Variants in PDPR observed in about 807,000 individuals in gnomAD.
PDPR encodes pyruvate dehydrogenase phosphatase regulatory subunit, mitochondrial.
PDPR carries 50 observed loss-of-function variants against 102.2 expected under a neutral mutation model. The ratio of observed to expected loss-of-function variants is 0.49; its 90% CI spans 0.39 to 0.62. The LOEUF is 0.62. Ranked by LOEUF, PDPR falls within the 20% of genes least tolerant of loss-of-function variation. PDPR has a pLI of 0.00. For missense variants in PDPR, 625 were observed against 1,098.2 expected (o/e 0.57, Z 6.09); for synonymous variants, 259 against 406.0 (o/e 0.64, Z 4.35).
chr16:70,121,889 CA>C (rs1468780253), intron 3 of PDPR, among the ~76,000 whole-genome samples: 1 of 152,208 alleles, frequency 6.6e-6, no homozygotes, highest in Non-Finnish European at 1.5e-5. Flanking sequence ...CATAGCCTTC[CA>C]AGTAGCTGGG....
At chr16:70,120,304 C>T (rs1052158615) in intron 2 of PDPR, 157 bp from the exon 3 acceptor site, 2 of 563,208 alleles carry the variant, frequency 3.6e-6, no homozygotes, top group African/African-American at 3.8e-5. Context: ...CCCGCCTTGG[C>T]CTCCCAGAGT....
chr16:70,150,406 A>G (rs1376467037), intron 17 of PDPR, among the ~76,000 whole-genome samples: 1 of 152,106 alleles, frequency 6.6e-6, no homozygotes, highest in Non-Finnish European at 1.5e-5. Flanking sequence ...ACCCGGGCCC[A>G]TAGTCTTTCT....
intron 3 of PDPR, among the ~76,000 whole-genome samples, chr16:70,121,621 G>A (rs1963282753): frequency 6.6e-6 from 1 of 152,266 alleles, no homozygotes; most frequent in East Asian, 1.9e-4. Flanking sequence ...GAATCCGTGA[G>A]GCGGAGGTGG....
Position 70,142,681 on chromosome 16 carries a change from A to G in PDPR, c.1600A>G (p.Ile534Val), listed in dbSNP as rs1481139338. The G allele has an allele frequency of 7.4e-6, 12 of 1,613,976 alleles. 1 individual carries two copies. The South Asian group carries it at 7.7e-5, about 10-fold the overall frequency. Residue 534 changes from isoleucine (I) to valine (V), a missense_variant, in exon 13 of 19, where the codon ATA becomes GTA. Ile to Val is a conservative substitution (Grantham distance 29). This residue lies in a region of PDPR where 28 missense variants were observed against 141.2 expected (regional missense o/e 0.20). Coordinates refer to ENST00000288050, the MANE Select transcript of PDPR (RefSeq NM_017990.5). ...IDMSSFTKFE[I>V]TSTGDQALEV... ...CATGTCCTCTTTCACAAAGTTTGAG[A>G]TAACAGTAAGTATTTGGGAACCAAA...
intron 4 of PDPR, among the ~76,000 whole-genome samples, chr16:70,128,230 TTTTTTC>T (rs1462872520): frequency 5.2e-4 from 79 of 152,190 alleles, no homozygotes; most frequent in Admixed American, 2.4e-3. Flanking sequence ...TGTCTTTTTT[TTTTTTC>T]TTTTTTTTAA....
chr16:70,161,281 C>CAAAAA lies in PDPR; in HGVS notation c.*4417_*4421dup, dbSNP rs56353884. On this transcript the variant is annotated 3_prime_UTR_variant, in exon 19 of 19. Coordinates refer to ENST00000288050, the MANE Select transcript of PDPR (RefSeq NM_017990.5). ...GGGTAACAGAGTGAGACTCTTGTCT[C>CAAAAA]AAAAAAAAAAAAAAAAAAATCTAAG... 0.045 allele frequency: 5,884 copies of CAAAAA among 129,882 alleles called. 91 individuals are homozygous for CAAAAA. The highest frequency in any genetic ancestry group is 0.15 in the African/African-American group (5,205 of 33,824). The allele number at this position is 129,882 out of a possible 1,614,324, so 8.0% of individuals were successfully genotyped here. A position where few individuals can be genotyped will look rare whatever the true frequency, so the allele number is the denominator to read the frequency against.
intron 13 of PDPR, 149 bp downstream of exon 13, chr16:70,142,835 G>A: frequency 7.4e-7 from 1 of 1,360,128 alleles, no homozygotes; most frequent in Non-Finnish European, 1.0e-6. Context: ...AAGGGGGCGT[G>A]GATCACCTGA....
At chr16:70,118,879 G>T (rs1372730383) in intron 2 of PDPR, among the ~76,000 whole-genome samples, 3 of 152,146 alleles carry the variant, frequency 2.0e-5, no homozygotes, top group Non-Finnish European at 2.9e-5. Flanking sequence ...GTCTGTGCTT[G>T]CATTGGTTGC....
rs931410791 is a variant in PDPR at position 70,161,343 on chromosome 16, G to T, written c.*4464G>T. The T allele has an allele frequency of 6.6e-6, 1 of 151,768 alleles. No individual in the cohort carries two copies. Among genetic ancestry groups the T allele is most frequent in the Admixed American group, 6.6e-5 (1 of 15,062 alleles). 9.4% of individuals were successfully genotyped at this position (151,768 alleles called of 1,614,324 possible). A position where few individuals can be genotyped will look rare whatever the true frequency, so the allele number is the denominator to read the frequency against. ...GTCAACAGTGCTTAATAATAAATAA[G>T]AACCTCCTGCCATTCTAATTTTCCT... On this transcript the variant is annotated 3_prime_UTR_variant, in exon 19 of 19. Coordinates refer to ENST00000288050, the MANE Select transcript of PDPR (RefSeq NM_017990.5).
Position 70,116,570 on chromosome 16 carries a change from A to T in PDPR, c.-33+1640A>T, listed in dbSNP as rs965469070. Among the ~76,000 whole-genome samples, 18 of 145,974 alleles carry T rather than the reference A, an allele frequency of 1.2e-4. 1 individual carries two copies. Among genetic ancestry groups the T allele is most frequent in the African/African-American group, 4.3e-4 (17 of 39,982 alleles). ...AAAAAAAAAAAAATTAAAAAAATTA[A>T]TAAAACACAAGATTGGCCTGTGTGG... On this transcript the variant is annotated intron_variant, in intron 2 of 18. Transcript: ENST00000288050.
chr16:70,120,871 A>G (rs1963178362), intron 3 of PDPR, among the ~76,000 whole-genome samples, 152 bp downstream of exon 3: 1 of 151,720 alleles, frequency 6.6e-6, no homozygotes, highest in African/African-American at 2.4e-5. Context: ...AATTTTGTTT[A>G]AGGATGACTA....
At position 70,151,135 on chromosome 16, in the gene PDPR, C is replaced by T. The variant is rs150918565; in HGVS notation, c.2053-2256C>T. Among the ~76,000 whole-genome samples the T allele has an allele frequency of 7.6e-3, 1,148 of 151,990 alleles. 1 individual carries two copies. The highest frequency in any genetic ancestry group is 0.014 in the Middle Eastern group (4 of 292). The stretch of plus-strand genomic sequence containing the variant: ...ATTTTTCATAGAGACAGGGTTTCAC[C>T]GTGTTGGCCAGGATGGTCTCAATCG... On this transcript the variant is annotated intron_variant, in intron 17 of 18. Transcript: ENST00000288050.
chr16:70,145,954 A>T (rs1310383735), intron 15 of PDPR, 180 bp from the exon 16 acceptor site: 1 of 588,682 alleles, frequency 1.7e-6, no homozygotes, highest in African/African-American at 1.9e-5. Flanking sequence ...CTGTTGGCAG[A>T]GGTGTATTCG....
intron 9 of PDPR, among the ~76,000 whole-genome samples, chr16:70,134,293 T>C (rs545397728): frequency 9.6e-4 from 146 of 152,134 alleles, no homozygotes; most frequent in African/African-American, 3.3e-3. Flanking sequence ...TGGTGCGATC[T>C]TAGCTCACTG....
rs1175140847 is a variant in PDPR, at chr16:70,126,105, C to T, written c.228-1155C>T. ...TATAAGTGGGAGCATACCTTACACA[C>T]TGTTCTTCACCTTGCTTTTTCATTA... On this transcript the variant is annotated intron_variant, in intron 3 of 18. Transcript: ENST00000288050. 2.6e-5 allele frequency among the ~76,000 whole-genome samples: 4 copies of T among 152,292 alleles called. No homozygotes were observed. In the East Asian group the frequency reaches 7.7e-4, roughly 29 times the overall value.
intron 13 of PDPR, among the ~76,000 whole-genome samples, chr16:70,143,163 G>A (rs1261468788): frequency 6.6e-6 from 1 of 152,198 alleles, no homozygotes; most frequent in Non-Finnish European, 1.5e-5. Flanking sequence ...CACTCAGCCT[G>A]GGCAACAGAG....
intron 9 of PDPR, among the ~76,000 whole-genome samples, chr16:70,134,144 T>G (rs1401854622): frequency 1.3e-5 from 2 of 151,564 alleles, no homozygotes; most frequent in South Asian, 4.2e-4. Context: ...AAAACAGAAT[T>G]GTTTTGTTTT....
In PDPR at chr16:70,119,726, G is replaced by A. The variant is rs2549085; in HGVS notation, c.-32-735G>A. Among the ~76,000 whole-genome samples the A allele has an allele frequency of 4.6e-3, 673 of 147,128 alleles. 8 individuals are homozygous for A. Among genetic ancestry groups the A allele is most frequent in the African/African-American group, 0.016 (598 of 36,992 alleles). On this transcript the variant is annotated intron_variant, in intron 2 of 18. Transcript: ENST00000288050. ...AATATGCCCCTAGTTACTCTATCAT[G>A]TTAGCTTTATTTACTGTTTTATTTG...
At chr16:70,125,581 A>G (rs965370225) in intron 3 of PDPR, among the ~76,000 whole-genome samples, 11 of 148,866 alleles carry the variant, frequency 7.4e-5, no homozygotes, top group African/African-American at 2.7e-4. Flanking sequence ...AAAAGTATAT[A>G]TATATATATG....
Sources: gnomAD v4.1 joint callset for allele counts (sites outside exome capture counted in the v4.1 genomes callset) on GRCh38, gnomAD v4.1.1 for gene constraint, gnomAD v4.1.1 regional missense constraint, MANE v1.5 for transcripts, NCBI Gene and HGNC (gene_info 2026-07-23, HGNC 2026-07-21) for gene names.